The following PRKAR1A variants were observed in gnomAD, a reference collection of about 807,000 sequenced individuals.
PRKAR1A encodes cAMP-dependent protein kinase type I-alpha regulatory subunit.
PRKAR1A carries 3 observed loss-of-function variants against 52.0 expected under a neutral mutation model. That is an observed-to-expected ratio of 0.06 (90% CI 0.03 to 0.15). PRKAR1A has a LOEUF of 0.15. PRKAR1A is among the 10% of genes least tolerant of loss of function. The pLI is 1.00. For synonymous variants in PRKAR1A, 188 were observed against 168.4 expected (o/e 1.12, Z -0.90); for missense variants, 240 against 477.4 (o/e 0.50, Z 4.63).
chr17:68,457,526 T>TACCCCGCCCCGTCCCCACCCCGCCCCG, the PRKAR1A span: 1 of 497,920 alleles, frequency 2.0e-6, no homozygotes, highest in East Asian at 8.6e-5. Context: ...GCCCCGCCCC[T>TACCCCGCCCCGTCCCCACCCCGCCCCG]ACCCCGCCCC....
chr17:68,434,580 T>C, the PRKAR1A span: 1,022 of 1,613,918 alleles, frequency 6.3e-4, 4 homozygotes, highest in African/African-American at 0.012. Context: ...CCGGAACTCA[T>C]AGAGCTTTTG....
intron 11 of PRKAR1A, among the ~76,000 whole-genome samples, chr17:68,545,179 A>C (rs1268960610): frequency 6.6e-6 from 1 of 152,230 alleles, no homozygotes; most frequent in African/African-American, 2.4e-5. Context: ...TTGGGACTGA[A>C]TTTTATAAAA....
chr17:68,535,699 A>G (rs890299535), downstream of PRKAR1A: 2 of 448,400 alleles, frequency 4.5e-6, no homozygotes, highest in Non-Finnish European at 8.9e-6. Flanking sequence ...TTTTGTAGAG[A>G]CAGGGTTTTG....
At chr17:68,473,456 G>C in the PRKAR1A span, among the ~76,000 whole-genome samples, 7 of 152,088 alleles carry the variant, frequency 4.6e-5, no homozygotes, top group Non-Finnish European at 1.0e-4. Flanking sequence ...TAAAACTACT[G>C]ATCTAGCTAC....
At chr17:68,540,892 CCG>C in intron 11 of PRKAR1A, 4 of 1,605,488 alleles carry the variant, frequency 2.5e-6, no homozygotes, top group Non-Finnish European at 3.4e-6. Context: ...CATTGAGGAG[CCG>C]CTGGCTGTTG....
the PRKAR1A span, among the ~76,000 whole-genome samples, chr17:68,486,017 G>A: frequency 6.6e-6 from 1 of 152,148 alleles, no homozygotes; most frequent in Non-Finnish European, 1.5e-5. Context: ...GAGATTACAG[G>A]CGTGAGCCAT....
chr17:68,499,038 C>T, the PRKAR1A span, among the ~76,000 whole-genome samples: 9 of 152,268 alleles, frequency 5.9e-5, no homozygotes, highest in South Asian at 2.1e-4. Flanking sequence ...AACAATAGTA[C>T]GTACCTCAAA....
chr17:68,530,018 T>A lies in PRKAR1A; in HGVS notation c.973+17T>A. The A allele has an allele frequency of 6.2e-7, 1 of 1,605,806 alleles. No individual in the cohort carries two copies. Among genetic ancestry groups the A allele is most frequent in the South Asian group, 1.1e-5 (1 of 90,888 alleles). On this transcript the variant is annotated intron_variant, in intron 10 of 10. Coordinates refer to ENST00000589228, the MANE Select transcript of PRKAR1A (RefSeq NM_002734.5). ...ATTATTTTGGTATGTATGAATTCCC[T>A]CACAATAAATACATGGTTTCTTTAA...
At chr17:68,505,753 G>A in the PRKAR1A span, among the ~76,000 whole-genome samples, 25 of 152,310 alleles carry the variant, frequency 1.6e-4, no homozygotes, top group Admixed American at 5.9e-4. Context: ...ATGGGAGGTT[G>A]CAGTGAGCTG....
chr17:68,530,674 T>C lies in PRKAR1A; in HGVS notation c.*225T>C, dbSNP rs954727566. The C allele has an allele frequency of 2.4e-5, 34 of 1,432,898 alleles. No homozygotes were observed. Among genetic ancestry groups the C allele is most frequent in the Non-Finnish European group, 3.1e-5 (34 of 1,093,732 alleles). The allele number at this position is 1,432,898 out of a possible 1,614,324, so 88.8% of individuals were successfully genotyped here. ...AGAAAGAGTTCTATGGAGACTTTGC[T>C]GTTACTGCTTCTCTTTGTGCAGTGT... On this transcript the variant is annotated 3_prime_UTR_variant, in exon 11 of 11. Coordinates refer to ENST00000589228, the MANE Select transcript of PRKAR1A (RefSeq NM_002734.5).
At chr17:68,543,934 CTG>C (rs1427613325) in intron 11 of PRKAR1A, among the ~76,000 whole-genome samples, 1 of 152,210 alleles carries the variant, frequency 6.6e-6, no homozygotes, top group African/African-American at 2.4e-5. Context: ...TTGCAAGACA[CTG>C]TCCTGCAGGC....
upstream of PRKAR1A, among the ~76,000 whole-genome samples, chr17:68,511,551 G>T (rs896746396): frequency 6.6e-6 from 1 of 152,206 alleles, no homozygotes; most frequent in African/African-American, 2.4e-5. Flanking sequence ...AGTGATGGGG[G>T]GGCACTTCAG....
chr17:68,429,070 T>C, the PRKAR1A span: 3 of 648,530 alleles, frequency 4.6e-6, no homozygotes, highest in East Asian at 8.3e-5. Context: ...ACTGATCTGG[T>C]CTGGGCTTCT....
the PRKAR1A span, among the ~76,000 whole-genome samples, chr17:68,488,155 T>C: frequency 4.6e-5 from 7 of 152,076 alleles, no homozygotes; most frequent in South Asian, 1.2e-3. Flanking sequence ...CTGAGGCTGT[T>C]TGGGGAGGTC....
the PRKAR1A span, among the ~76,000 whole-genome samples, chr17:68,440,517 A>C: frequency 6.6e-6 from 1 of 152,152 alleles, no homozygotes; most frequent in Non-Finnish European, 1.5e-5. Context: ...AATCACCCAC[A>C]ATTCTAAAAC....
At chr17:68,421,370 C>T in the PRKAR1A span, 1 of 167,310 alleles carries the variant, frequency 6.0e-6, no homozygotes, top group Admixed American at 5.9e-5. Flanking sequence ...AAGACTTTGC[C>T]TGGCTAAAAG....
At chr17:68,536,600 G>A, downstream of PRKAR1A, 1 of 453,472 alleles carries the variant, frequency 2.2e-6, no homozygotes, top group Non-Finnish European at 4.4e-6. Flanking sequence ...ATGGGCCGGG[G>A]ACAATCCTGG....
intron 11 of PRKAR1A, among the ~76,000 whole-genome samples, chr17:68,543,155 G>T (rs1030480953): frequency 3.9e-5 from 6 of 152,138 alleles, no homozygotes; most frequent in Non-Finnish European, 8.8e-5. Context: ...CTGATTGAGT[G>T]GTTCTAGGGT....
chr17:68,505,541 G>C, the PRKAR1A span, among the ~76,000 whole-genome samples: 1 of 152,298 alleles, frequency 6.6e-6, no homozygotes, highest in Non-Finnish European at 1.5e-5. Flanking sequence ...GGCCAGGTGA[G>C]GTGGCTCAGG....
Sources: allele counts gnomAD v4.1 joint callset (sites outside exome capture counted in the v4.1 genomes callset), GRCh38; gene constraint gnomAD v4.1.1; transcripts MANE v1.5; gene names NCBI Gene and HGNC (gene_info 2026-07-23, HGNC 2026-07-21).